RIMS3: variants seen among roughly 807,000 people sequenced by gnomAD.
RIMS3 encodes regulating synaptic membrane exocytosis protein 3.
A neutral mutation model predicts 29.2 loss-of-function variants in RIMS3; 15 were observed. The observed-to-expected ratio is 0.51, with a 90% CI of 0.34 to 0.79. The LOEUF is 0.79. RIMS3 is among the 30% of genes least tolerant of loss of function. RIMS3 has a pLI of 0.01. For synonymous variants in RIMS3, 161 were observed against 170.1 expected, an observed-to-expected ratio of 0.95 and a Z score of 0.41; for missense variants, 342 against 421.4, an observed-to-expected ratio of 0.81 and a Z score of 1.65.
the RIMS3 span, among the ~76,000 whole-genome samples, chr1:40,689,645 G>A: frequency 1.3e-5 from 2 of 152,192 alleles, no homozygotes; most frequent in Non-Finnish European, 2.9e-5. Flanking sequence ...ACATTAGGGT[G>A]AGAAGTCTTT....
At chr1:40,644,031 A>T (rs1250810944) in intron 2 of RIMS3, among the ~76,000 whole-genome samples, 4 of 141,614 alleles carry the variant, frequency 2.8e-5, no homozygotes, top group Non-Finnish European at 6.2e-5. Context: ...CAAGGGGGGG[A>T]AGATTTGGAT....
rs1317402281 is a variant in RIMS3, at chr1:40,624,356, G to C, written c.*2161C>G. On this transcript the variant is annotated 3_prime_UTR_variant, in exon 8 of 8. Transcript: ENST00000372684. The stretch of plus-strand genomic sequence containing the variant: ...CTAGAGGTGAATATATCATAAACAG[G>C]AGATTAAAATACCCTTTTGCAACGG... 6.6e-6 allele frequency: 1 copy of C among 152,202 alleles called. No individual in the cohort carries two copies. The highest frequency in any genetic ancestry group is 1.5e-5 in the Non-Finnish European group (1 of 68,050). The allele number at this position is 152,202 out of a possible 1,614,324, so 9.4% of individuals were successfully genotyped here. A position where few individuals can be genotyped will look rare whatever the true frequency, so the allele number is the denominator to read the frequency against.
intron 7 of RIMS3, 76 bp downstream of exon 7, chr1:40,628,734 A>C: frequency 6.3e-7 from 1 of 1,591,544 alleles, no homozygotes; most frequent in Non-Finnish European, 8.6e-7. Context: ...CACAGGATGA[A>C]TCATAAATGA....
chr1:40,653,460 G>T (rs1642225428), intron 1 of RIMS3, among the ~76,000 whole-genome samples: 1 of 152,170 alleles, frequency 6.6e-6, no homozygotes, highest in African/African-American at 2.4e-5. Context: ...CAGGATGCAG[G>T]AGGGAGGCTA....
intron 4 of RIMS3, among the ~76,000 whole-genome samples, chr1:40,634,004 T>C (rs1189923046): frequency 1.3e-5 from 2 of 152,174 alleles, no homozygotes; most frequent in Non-Finnish European, 2.9e-5. Context: ...GTTGCTGCTG[T>C]TGTTATCATC....
intron 1 of RIMS3, among the ~76,000 whole-genome samples, chr1:40,657,818 G>A (rs1472554063): frequency 6.6e-6 from 1 of 151,448 alleles, no homozygotes; most frequent in Non-Finnish European, 1.5e-5. Context: ...TTCTTGGGAG[G>A]ATCATTTGAG....
the RIMS3 span, among the ~76,000 whole-genome samples, chr1:40,688,988 T>C: frequency 6.6e-6 from 1 of 152,250 alleles, no homozygotes; most frequent in East Asian, 1.9e-4. Flanking sequence ...AAAAAAGGTC[T>C]TGGCTTACCC....
intron 3 of RIMS3, among the ~76,000 whole-genome samples, chr1:40,638,836 C>T (rs1172898527): frequency 6.6e-6 from 1 of 152,190 alleles, no homozygotes; most frequent in Non-Finnish European, 1.5e-5. Flanking sequence ...CTCCATTTTA[C>T]AGAAGAGGAA....
chr1:40,626,806 C>T (rs978871147), intron 7 of RIMS3, 77 bp from the exon 8 acceptor site: 8 of 1,364,076 alleles, frequency 5.9e-6, no homozygotes, highest in African/African-American at 4.3e-5. Context: ...GGAACCTACA[C>T]GTTTCAGCAG....
chr1:40,628,648 C>G (rs2076334), intron 7 of RIMS3, among the ~76,000 whole-genome samples, 162 bp downstream of exon 7: 37,999 of 152,136 alleles, frequency 0.25, 4,902 homozygotes, highest in African/African-American at 0.29. Context: ...TATGAATCAA[C>G]TGGGGACAGT....
the RIMS3 span, among the ~76,000 whole-genome samples, chr1:40,678,712 C>T: frequency 6.6e-6 from 1 of 152,210 alleles, no homozygotes; most frequent in Non-Finnish European, 1.5e-5. Flanking sequence ...GGCGCTCACC[C>T]CTTGCCCAGT....
chr1:40,683,239 G>A, the RIMS3 span, among the ~76,000 whole-genome samples: 13 of 152,246 alleles, frequency 8.5e-5, no homozygotes, highest in African/African-American at 2.9e-4. Flanking sequence ...GCAGTCATTC[G>A]CTACATGCTA....
chr1:40,660,056 G>C (rs893447868), intron 1 of RIMS3, among the ~76,000 whole-genome samples: 1 of 152,174 alleles, frequency 6.6e-6, no homozygotes, highest in Non-Finnish European at 1.5e-5. Context: ...GCCCAGGTGA[G>C]AGCCAATGGT....
In RIMS3 at chr1:40,634,552, C is replaced by T. The variant is rs79152901; in HGVS notation, c.359+1364G>A. On this transcript the variant is annotated intron_variant, in intron 4 of 7. Coordinates refer to ENST00000372684, the MANE Select transcript of RIMS3 (RefSeq NM_014747.3). ...CTCCATCACCACTTAATAGCTGTGA[C>T]CTTGGGTAAGGTGGCCCACCCTCTT... Among the ~76,000 whole-genome samples the T allele has an allele frequency of 1.5e-3, 226 of 152,278 alleles. 2 individuals are homozygous for T. Among genetic ancestry groups the T allele is most frequent in the Admixed American group, 0.013 (204 of 15,294 alleles).
intron 2 of RIMS3, 84 bp downstream of exon 2, chr1:40,647,583 AC>A (rs2148353724): frequency 6.6e-6 from 1 of 152,176 alleles, no homozygotes; most frequent in South Asian, 2.1e-4. Flanking sequence ...CACTGCTTCA[AC>A]CCTAAGTCCC....
intron 2 of RIMS3, among the ~76,000 whole-genome samples, chr1:40,644,795 C>A (rs960834990): frequency 5.3e-5 from 8 of 152,238 alleles, no homozygotes; most frequent in Admixed American, 3.9e-4. Context: ...CAGTGGTTTT[C>A]CTGGGGCAGC....
At chr1:40,666,698 A>G (rs911570234), upstream of RIMS3, among the ~76,000 whole-genome samples, 1 of 152,206 alleles carries the variant, frequency 6.6e-6, no homozygotes, top group African/African-American at 2.4e-5. Flanking sequence ...GGAGGCATGT[A>G]AAACCAGTAG....
At chr1:40,640,609 G>T (rs1025091734) in intron 3 of RIMS3, among the ~76,000 whole-genome samples, 3 of 152,126 alleles carry the variant, frequency 2.0e-5, no homozygotes, top group Non-Finnish European at 2.9e-5. Context: ...AGCCGGAAGA[G>T]ATTTTAAAAC....
In RIMS3 at chr1:40,629,297, G is replaced by C; in HGVS notation, c.548C>G (p.Pro183Arg). 1 of 1,614,138 alleles carries C rather than the reference G, an allele frequency of 6.2e-7. No individual in the cohort carries two copies. Among genetic ancestry groups the C allele is most frequent in the Non-Finnish European group, 8.5e-7 (1 of 1,179,998 alleles). ...TGGGAGGGATTTGGAGCCTGGTTTGGGGGTCAGGCCCCGAGCTTCAATCAC... is the reference window on the plus strand; with the variant it reads ...TGGGAGGGATTTGGAGCCTGGTTTGCGGGTCAGGCCCCGAGCTTCAATCAC... ...VEVIEARGLTPKPGSKSLPAT... is the reference protein window; with the variant it reads ...VEVIEARGLTRKPGSKSLPAT... Residue 183 changes from proline (P) to arginine (R), a missense_variant, in exon 6 of 8, where the codon CCC (proline) becomes CGC (arginine). Coordinates refer to ENST00000372684, the MANE Select transcript of RIMS3 (RefSeq NM_014747.3).
Sources: allele counts gnomAD v4.1 joint callset (sites outside exome capture counted in the v4.1 genomes callset), GRCh38; gene constraint gnomAD v4.1.1; transcripts MANE v1.5; gene names NCBI Gene and HGNC (gene_info 2026-07-23, HGNC 2026-07-21).